The following ACTR3C variants were observed in gnomAD, a reference collection of about 807,000 sequenced individuals.
ACTR3C encodes the protein actin-related protein 3C.
In ACTR3C, 18 loss-of-function variants were observed where a neutral mutation model predicts 26.3. The ratio of observed to expected loss-of-function variants is 0.68; its 90% CI spans 0.47 to 1.01. ACTR3C has a LOEUF of 1.01. Ranked by LOEUF, ACTR3C falls within the 50% of genes least tolerant of loss-of-function variation. The pLI, the probability that ACTR3C is intolerant of heterozygous loss-of-function variation, is 0.00. For synonymous variants in ACTR3C, 55 were observed against 94.5 expected (o/e 0.58, Z 2.42); for missense variants, 184 against 250.7 (o/e 0.73, Z 1.80).
chr7:149,982,496 A>G, the ACTR3C span, among the ~76,000 whole-genome samples: 1 of 152,114 alleles, frequency 6.6e-6, no homozygotes, highest in East Asian at 1.9e-4. Context: ...TCCCTGTGGT[A>G]TAGACACTGC....
the ACTR3C span, among the ~76,000 whole-genome samples, chr7:150,043,963 G>T: frequency 6.6e-5 from 10 of 152,284 alleles, no homozygotes; most frequent in East Asian, 1.9e-3. Flanking sequence ...AGACATAGCG[G>T]ATGATGAAAT....
At chr7:150,152,543 A>T in the ACTR3C span, among the ~76,000 whole-genome samples, 1 of 152,188 alleles carries the variant, frequency 6.6e-6, no homozygotes, top group Non-Finnish European at 1.5e-5. Flanking sequence ...TTGGTTTGCC[A>T]GTATTTTATT....
At chr7:150,123,382 G>C in the ACTR3C span, among the ~76,000 whole-genome samples, 1 of 151,966 alleles carries the variant, frequency 6.6e-6, no homozygotes, top group Admixed American at 6.6e-5. Flanking sequence ...ATAATAGAGG[G>C]AGAAAGACCA....
the ACTR3C span, among the ~76,000 whole-genome samples, chr7:150,039,857 A>C: frequency 2.6e-5 from 3 of 115,448 alleles, no homozygotes; most frequent in South Asian, 6.1e-4. Context: ...CCTAAGAGCA[A>C]AGGGGGGAAG....
chr7:150,250,656 T>C (rs1832788566), intron 6 of ACTR3C, among the ~76,000 whole-genome samples: 1 of 151,760 alleles, frequency 6.6e-6, no homozygotes. Context: ...TTCTGGGGGA[T>C]GGTAGTTTCA....
chr7:150,314,984 TTAA>T (rs1468440432), intron 1 of ACTR3C, among the ~76,000 whole-genome samples: 16 of 147,460 alleles, frequency 1.1e-4, no homozygotes, highest in East Asian at 3.9e-4. Context: ...AGTATTATTT[TTAA>T]TAATATTATT....
chr7:150,318,326 G>T (rs572837326), intron 1 of ACTR3C, among the ~76,000 whole-genome samples: 7 of 152,276 alleles, frequency 4.6e-5, no homozygotes, highest in African/African-American at 1.7e-4. Flanking sequence ...CTTTCCTAGA[G>T]CTTTCAGAGA....
chr7:149,929,853 A>G, the ACTR3C span, among the ~76,000 whole-genome samples: 1 of 152,184 alleles, frequency 6.6e-6, no homozygotes, highest in African/African-American at 2.4e-5. Flanking sequence ...AATTACAAAG[A>G]AAAATAGTAA....
At chr7:150,230,793 G>T in the ACTR3C span, among the ~76,000 whole-genome samples, 7 of 151,950 alleles carry the variant, frequency 4.6e-5, no homozygotes, top group East Asian at 1.2e-3. Flanking sequence ...TAGTATTTTT[G>T]CATATTTCTT....
At chr7:150,048,266 C>G in the ACTR3C span, among the ~76,000 whole-genome samples, 1 of 152,204 alleles carries the variant, frequency 6.6e-6, no homozygotes, top group Non-Finnish European at 1.5e-5. Flanking sequence ...GCACACATTC[C>G]GAGCGCTCTC....
chr7:150,295,664 G>T (rs1216676657), intron 1 of ACTR3C, among the ~76,000 whole-genome samples: 1 of 149,996 alleles, frequency 6.7e-6, no homozygotes, highest in Non-Finnish European at 1.5e-5. Flanking sequence ...CCAGAAGCAA[G>T]TTGCCAAGGG....
the ACTR3C span, among the ~76,000 whole-genome samples, chr7:150,003,716 G>T: frequency 6.6e-6 from 1 of 152,066 alleles, no homozygotes; most frequent in Non-Finnish European, 1.5e-5. Context: ...TATGTGTGGT[G>T]TCTGGTGTGG....
the ACTR3C span, among the ~76,000 whole-genome samples, chr7:149,910,552 C>T: frequency 1.3e-5 from 2 of 152,032 alleles, no homozygotes; most frequent in Non-Finnish European, 2.9e-5. Flanking sequence ...GACTCATCAG[C>T]GCTTCCTTTC....
At chr7:149,979,538 A>T in the ACTR3C span, among the ~76,000 whole-genome samples, 1 of 152,232 alleles carries the variant, frequency 6.6e-6, no homozygotes, top group South Asian at 2.1e-4. Context: ...ATATAAAATC[A>T]TATTTGCTCA....
At chr7:150,321,591 T>G (rs1797519960) in intron 1 of ACTR3C, among the ~76,000 whole-genome samples, 1 of 151,982 alleles carries the variant, frequency 6.6e-6, no homozygotes, top group Non-Finnish European at 1.5e-5. Context: ...AATACAAAAA[T>G]TAGCCAGGTG....
At chr7:150,009,189 A>G in the ACTR3C span, among the ~76,000 whole-genome samples, 1 of 152,230 alleles carries the variant, frequency 6.6e-6, no homozygotes, top group African/African-American at 2.4e-5. Context: ...GTTTCAGCCA[A>G]TGGTGCTGGG....
chr7:150,225,806 T>A, the ACTR3C span, among the ~76,000 whole-genome samples: 7 of 152,348 alleles, frequency 4.6e-5, no homozygotes, highest in African/African-American at 1.7e-4. Flanking sequence ...GTGTAATGTA[T>A]CCACATTGTG....
the ACTR3C span, among the ~76,000 whole-genome samples, chr7:149,941,013 A>G: frequency 4.1e-4 from 63 of 152,238 alleles, no homozygotes; most frequent in African/African-American, 1.4e-3. Context: ...CATTGGGAGT[A>G]CACAATAAAC....
the ACTR3C span, among the ~76,000 whole-genome samples, chr7:150,152,043 C>A: frequency 9.6e-5 from 14 of 145,792 alleles, 1 homozygote; most frequent in East Asian, 4.5e-4. Context: ...TTTTGGGCTG[C>A]GACAATGGGG....
Sources: allele counts gnomAD v4.1 joint callset (sites outside exome capture counted in the v4.1 genomes callset), GRCh38; gene constraint gnomAD v4.1.1; transcripts MANE v1.5; gene names NCBI Gene and HGNC (gene_info 2026-07-23, HGNC 2026-07-21).